The following MGST2 variants were observed in gnomAD, a reference collection of about 807,000 sequenced individuals.
MGST2 encodes glutathione peroxidase MGST2.
MGST2 carries 9 observed loss-of-function variants against 16.6 expected under a neutral mutation model. That is an observed-to-expected ratio of 0.54 (90% confidence interval 0.33 to 0.95). The LOEUF (loss-of-function observed/expected upper bound fraction) is 0.95, where lower values mean the gene tolerates loss of function less well. Ranked by LOEUF, MGST2 falls within the 40% of genes least tolerant of loss-of-function variation. MGST2 has a pLI of 0.03. For missense variants in MGST2, 159 were observed against 175.1 expected (o/e 0.91, Z 0.52); for synonymous variants, 79 against 68.0 (o/e 1.16, Z -0.79).
chr4:139,696,013 C>CTTGCA (rs1470381565), intron 3 of MGST2, among the ~76,000 whole-genome samples: 1 of 152,134 alleles, frequency 6.6e-6, no homozygotes, highest in Non-Finnish European at 1.5e-5. Flanking sequence ...TTTTATGTAT[C>CTTGCA]ATATACTGTA....
chr4:139,679,919 T>A (rs866953070), intron 2 of MGST2, among the ~76,000 whole-genome samples: 2 of 152,190 alleles, frequency 1.3e-5, no homozygotes, highest in South Asian at 4.1e-4. Context: ...TCAAAGTAAT[T>A]TATGTACGTG....
rs1212608452 is a variant in MGST2, at chr4:139,717,968, C to CAT, written c.*48+13773_*48+13774dup. 3 of 152,334 alleles carry CAT rather than the reference C, an allele frequency of 2.0e-5. No homozygotes were observed. The East Asian group carries it at 5.8e-4, about 29-fold the overall frequency. The allele number at this position is 152,334 out of a possible 1,614,324, so 9.4% of individuals were successfully genotyped here. A position where few individuals can be genotyped will look rare whatever the true frequency, so the allele number is the denominator to read the frequency against. ...TACTTTGCCCATATGAAATAAACTACATCTCCTTTCTATCCAAATTTGTAA... is the reference window on the plus strand; with the variant it reads ...TACTTTGCCCATATGAAATAAACTACATATCTCCTTTCTATCCAAATTTGTAA... On this transcript the variant is annotated intron_variant, in intron 5 of 5. Coordinates refer to the MGST2 transcript ENST00000616265.
chr4:139,724,631 A>C (rs576739033), intron 5 of MGST2, among the ~76,000 whole-genome samples: 17 of 152,256 alleles, frequency 1.1e-4, no homozygotes, highest in African/African-American at 4.1e-4. Context: ...GGACACATTG[A>C]TCTAGATCCC....
intron 2 of MGST2, among the ~76,000 whole-genome samples, chr4:139,681,740 A>C (rs1731251299): frequency 6.6e-6 from 1 of 151,832 alleles, no homozygotes; most frequent in Admixed American, 6.6e-5. Context: ...ATTTGTATTT[A>C]TTATTTACCC....
At chr4:139,702,538 T>C (rs1727305219) in intron 3 of MGST2, among the ~76,000 whole-genome samples, 1 of 152,196 alleles carries the variant, frequency 6.6e-6, no homozygotes. Context: ...TTTCTTTTAA[T>C]TGAATAGACT....
intron 1 of MGST2, among the ~76,000 whole-genome samples, chr4:139,675,238 A>G (rs1730900305): frequency 6.6e-6 from 1 of 152,204 alleles, no homozygotes; most frequent in Non-Finnish European, 1.5e-5. Flanking sequence ...GAAGGAACTC[A>G]AGAGTTTTTA....
At chr4:139,744,317 C>G (rs996202955), downstream of MGST2, among the ~76,000 whole-genome samples, 2 of 152,144 alleles carry the variant, frequency 1.3e-5, no homozygotes, top group Admixed American at 6.5e-5. Flanking sequence ...GCTTCCAGAT[C>G]TTAGAGTTGA....
intron 5 of MGST2, among the ~76,000 whole-genome samples, chr4:139,721,391 GAGA>G (rs1431035905): frequency 6.6e-6 from 1 of 152,182 alleles, no homozygotes; most frequent in Non-Finnish European, 1.5e-5. Context: ...TTGAGTCTAT[GAGA>G]AGAAGAAAAA....
intron 5 of MGST2, among the ~76,000 whole-genome samples, chr4:139,732,993 G>A (rs1470073692): frequency 2.0e-5 from 3 of 152,190 alleles, no homozygotes; most frequent in Admixed American, 2.0e-4. Flanking sequence ...CTACCAAAAA[G>A]TTTACTTCAG....
chr4:139,682,871 A>AG (rs925585405), intron 2 of MGST2, among the ~76,000 whole-genome samples: 1 of 151,488 alleles, frequency 6.6e-6, no homozygotes, highest in Non-Finnish European at 1.5e-5. Flanking sequence ...AAGGAAAAAA[A>AG]GAAAAAAAAA....
intron 1 of MGST2, among the ~76,000 whole-genome samples, chr4:139,673,370 C>A (rs1362441661): frequency 2.0e-5 from 3 of 152,116 alleles, no homozygotes; most frequent in African/African-American, 7.2e-5. Flanking sequence ...GCTTAAGACC[C>A]TAACTCCCCA....
intron 3 of MGST2, among the ~76,000 whole-genome samples, chr4:139,703,078 A>G (rs1482191902): frequency 6.6e-6 from 1 of 151,362 alleles, no homozygotes; most frequent in African/African-American, 2.4e-5. Context: ...GGTGCCCGCC[A>G]CCATGCCCAG....
chr4:139,701,715 G>A (rs2110900816), intron 3 of MGST2, among the ~76,000 whole-genome samples: 1 of 152,220 alleles, frequency 6.6e-6, no homozygotes, highest in Middle Eastern at 3.4e-3. Context: ...TGCAATCCCA[G>A]CACTTTGGGA....
chr4:139,737,346 G>T (rs1728985654), intron 5 of MGST2, among the ~76,000 whole-genome samples: 1 of 88,488 alleles, frequency 1.1e-5, no homozygotes, highest in South Asian at 4.5e-4. Flanking sequence ...TTTCTGAGAG[G>T]TTAAGGAACT....
chr4:139,709,240 G>A (rs771808175), downstream of MGST2, among the ~76,000 whole-genome samples: 37 of 151,598 alleles, frequency 2.4e-4, no homozygotes, highest in Admixed American at 2.0e-4. Flanking sequence ...CCGCCACCAC[G>A]CCCAGCTAAT....
chr4:139,741,501 C>T (rs551341198), downstream of MGST2, among the ~76,000 whole-genome samples: 132 of 152,288 alleles, frequency 8.7e-4, 1 homozygote, highest in Non-Finnish European at 1.7e-3. Context: ...CCTGTAATCC[C>T]AGCACTTTGG....
chr4:139,720,343 A>C (rs888494869), intron 5 of MGST2: 3 of 1,513,284 alleles, frequency 2.0e-6, no homozygotes, highest in Non-Finnish European at 8.8e-7. Flanking sequence ...AAAAGAGGAC[A>C]CATACCACTC....
chr4:139,753,248 T>A, the MGST2 span, among the ~76,000 whole-genome samples: 1 of 152,238 alleles, frequency 6.6e-6, no homozygotes, highest in Admixed American at 6.5e-5. Flanking sequence ...GTGTGATCGA[T>A]ACCATGATCT....
At chr4:139,720,186 C>A (rs371071238) in intron 5 of MGST2, 23 of 1,613,904 alleles carry the variant, frequency 1.4e-5, no homozygotes, top group Admixed American at 3.3e-5. Flanking sequence ...TCCGACTGCG[C>A]AGCTGCGGTG....
Sources: allele counts gnomAD v4.1 joint callset (sites outside exome capture counted in the v4.1 genomes callset), GRCh38; gene constraint gnomAD v4.1.1; transcripts MANE v1.5; gene names NCBI Gene and HGNC (gene_info 2026-07-23, HGNC 2026-07-21).